The following MAP3K4 variants were observed in gnomAD, a reference collection of about 807,000 sequenced individuals.
MAP3K4 encodes mitogen-activated protein kinase kinase kinase 4.
A neutral mutation model predicts 185.6 loss-of-function variants in MAP3K4; 67 were observed. The observed-to-expected ratio is 0.36, with a 90% CI of 0.30 to 0.44. The LOEUF (loss-of-function observed/expected upper bound fraction) is 0.44, where lower values mean the gene tolerates loss of function less well. Among genes scored for constraint, MAP3K4 ranks in the 20% least tolerant of loss-of-function variants. The pLI, the probability that MAP3K4 is intolerant of heterozygous loss-of-function variation, is 1.00. For synonymous variants in MAP3K4, 702 were observed against 710.4 expected (o/e 0.99, Z 0.19); for missense variants, 1,551 against 1,995.1 (o/e 0.78, Z 4.24).
At position 161,093,416 on chromosome 6, in the gene MAP3K4, T is replaced by C. The variant is rs557535792; in HGVS notation, c.3349-357T>C. On this transcript the variant is annotated intron_variant, in intron 14 of 26. Transcript: ENST00000392142. This position sits in a 1 kb window ranked among gnomAD's most constrained non-coding sequence, Gnocchi z 5.2. The stretch of plus-strand genomic sequence containing the variant: ...AGAGCATCATGCTCGTGTTAAATAT[T>C]ATCACTGTTAGTCTGATAAGTGTCA... Among the ~76,000 whole-genome samples, 1 of 152,328 alleles carries C rather than the reference T, an allele frequency of 6.6e-6. No individual in the cohort carries two copies. The highest frequency in any genetic ancestry group is 1.9e-4 in the East Asian group (1 of 5,186).
chr6:161,049,731 C>A lies in MAP3K4; in HGVS notation c.1459C>A (p.Arg487=), dbSNP rs967543892. The change falls in exon 3 of 27, where the codon CGG becomes AGG. Residue 487 remains arginine, a synonymous_variant. Coordinates refer to ENST00000392142, the MANE Select transcript of MAP3K4 (RefSeq NM_005922.4). The surrounding 1 kb of genome is among the most constrained non-coding windows in gnomAD (Gnocchi z 8.4). ...AGATAACAGCTTCGACATCCAGTCGCGGGACTGCATATCCAAGAAGCTTGA... is the reference window on the plus strand; with the variant it reads ...AGATAACAGCTTCGACATCCAGTCGAGGGACTGCATATCCAAGAAGCTTGA... ...PIDNSFDIQS[R]DCISKKLERL... is the part of the protein sequence containing the mutation. 1 of 1,614,118 alleles carries A rather than the reference C, an allele frequency of 6.2e-7. No homozygotes were observed.
At chr6:161,003,010 A>G (rs1010514815) in intron 1 of MAP3K4, among the ~76,000 whole-genome samples, 2 of 148,660 alleles carry the variant, frequency 1.3e-5, no homozygotes, top group Non-Finnish European at 3.0e-5. Flanking sequence ...ATATCCCATA[A>G]TTTAATAGTT....
intron 1 of MAP3K4, among the ~76,000 whole-genome samples, chr6:160,998,723 A>G (rs1414506643): frequency 6.6e-6 from 1 of 152,240 alleles, no homozygotes; most frequent in Admixed American, 6.5e-5. Context: ...TTTAAAATCT[A>G]GAACTGTGTT....
chr6:160,995,094 A>G (rs1466843935), intron 1 of MAP3K4, among the ~76,000 whole-genome samples: 2 of 152,138 alleles, frequency 1.3e-5, no homozygotes, highest in East Asian at 1.9e-4. Context: ...CACCACATCC[A>G]TGCCATTGTC....
rs758230071 is a variant in MAP3K4, at chr6:161,070,664, ACCACCTTCAT to A, written c.1766_1775del (p.Pro589LeufsTer13). 1 of 1,614,094 alleles carries A rather than the reference ACCACCTTCAT, an allele frequency of 6.2e-7. No individual in the cohort carries two copies. The highest frequency in any genetic ancestry group is 8.5e-7 in the Non-Finnish European group (1 of 1,179,986). ...CAGATTATGTGCAGTTGTCAAGGAC[ACCACCTTCAT>A]CTGAGGAGAAATGCAGTGCTGTGTC... On this transcript the variant is annotated frameshift_variant, in exon 4 of 27. Coordinates refer to ENST00000392142, the MANE Select transcript of MAP3K4 (RefSeq NM_005922.4). LOFTEE classifies it high-confidence loss of function. The surrounding 1 kb of genome is among the most constrained non-coding windows in gnomAD (Gnocchi z 4.5).
chr6:161,095,600 G>A (rs1053771921), intron 15 of MAP3K4, among the ~76,000 whole-genome samples: 1 of 152,172 alleles, frequency 6.6e-6, no homozygotes, highest in African/African-American at 2.4e-5. Context: ...CATATATAGG[G>A]TGGTTCGTTT....
rs1433981920 is a variant in MAP3K4, at chr6:161,061,636, C to T, written c.1708-8972C>T. Among the ~76,000 whole-genome samples, 1 of 152,180 alleles carries T rather than the reference C, an allele frequency of 6.6e-6. No homozygotes were observed. Among genetic ancestry groups the T allele is most frequent in the African/African-American group, 2.4e-5 (1 of 41,444 alleles). On this transcript the variant is annotated intron_variant, in intron 3 of 26. Transcript: ENST00000392142. This position sits in a 1 kb window ranked among gnomAD's most constrained non-coding sequence, Gnocchi z 4.2. ...CCTCCACAATTCCTGTGCTCACTAG[C>T]CCTATCTCTAGGCAACCGCTAATCT...
In MAP3K4 at chr6:161,056,383, AT is replaced by A. The variant is rs1432466245; in HGVS notation, c.1707+6406del. ...GCTTTTAGGCCTTCTCAGTGATAGA[AT>A]TAGAACGTACAGGTATGTCTTCTAA... On this transcript the variant is annotated intron_variant, in intron 3 of 26. Transcript: ENST00000392142. The surrounding 1 kb of genome is among the most constrained non-coding windows in gnomAD (Gnocchi z 5.4). Among the ~76,000 whole-genome samples, 1 of 152,140 alleles carries A rather than the reference AT, an allele frequency of 6.6e-6. No individual in the cohort carries two copies. The highest frequency in any genetic ancestry group is 1.5e-5 in the Non-Finnish European group (1 of 68,010).
chr6:161,034,358 T>TC lies in MAP3K4; in HGVS notation c.258dup (p.Ser87GlnfsTer17). Reference sequence around the variant, plus strand: ...ATACAGAGAATCTTTATGGTACCTCTCCCCCCAGCACACCTCGACAGATGA... The same window carrying TC: ...ATACAGAGAATCTTTATGGTACCTCTCCCCCCCAGCACACCTCGACAGATGA... On this transcript the variant is annotated frameshift_variant, in exon 2 of 27. Transcript: ENST00000392142. LOFTEE classifies it high-confidence loss of function. This position sits in a 1 kb window ranked among gnomAD's most constrained non-coding sequence, Gnocchi z 4.4. 6.2e-7 allele frequency: 1 copy of TC among 1,613,332 alleles called. No individual in the cohort carries two copies. The highest frequency in any genetic ancestry group is 8.5e-7 in the Non-Finnish European group (1 of 1,179,718).
intron 2 of MAP3K4, among the ~76,000 whole-genome samples, chr6:161,045,363 G>C (rs1388917712): frequency 6.6e-6 from 1 of 152,078 alleles, no homozygotes; most frequent in African/African-American, 2.4e-5. Context: ...GTAATAGACT[G>C]TTTTGTATGC....
rs372529350 is a variant in MAP3K4 at position 161,081,049 on chromosome 6, T to G, written c.2255+11T>G. On this transcript the variant is annotated intron_variant, in intron 6 of 26. Transcript: ENST00000392142. ...CGGGAAGCTTTTCTGGTAGGAATCC[T>G]TGTGCTTCTGAACGCGACGCTCCCA... The G allele has an allele frequency of 3.5e-5, 57 of 1,613,162 alleles. No homozygotes were observed. The African/African-American group carries it at 6.1e-4, about 17-fold the overall frequency.
intron 2 of MAP3K4, among the ~76,000 whole-genome samples, chr6:161,042,942 A>G (rs1325942408): frequency 2.2e-5 from 3 of 139,256 alleles, no homozygotes; most frequent in Non-Finnish European, 4.7e-5. Flanking sequence ...ACACACACAC[A>G]TCCCTGTTAG....
Position 161,103,673 on chromosome 6 carries a change from C to T in MAP3K4, c.3856+894C>T, listed in dbSNP as rs930030821. ...TTTGCCCAGAGGTGGTGGGCAGCCC[C>T]AGAGGCTCTTGAGCAGCTGGTGTGT... On this transcript the variant is annotated intron_variant, in intron 19 of 26. Coordinates refer to ENST00000392142, the MANE Select transcript of MAP3K4 (RefSeq NM_005922.4). The surrounding 1 kb of genome is among the most constrained non-coding windows in gnomAD (Gnocchi z 4.6). 5.9e-5 allele frequency among the ~76,000 whole-genome samples: 9 copies of T among 152,206 alleles called. No homozygotes were observed. The highest frequency in any genetic ancestry group is 2.0e-4 in the Admixed American group (3 of 15,274).
In MAP3K4 at chr6:161,096,964, T is replaced by G; in HGVS notation, c.3428-116T>G. 3 of 715,762 alleles carry G rather than the reference T, an allele frequency of 4.2e-6. No individual in the cohort carries two copies. In the South Asian group the frequency reaches 5.6e-5, roughly 13 times the overall value. The allele number at this position is 715,762 out of a possible 1,614,324, so 44.3% of individuals were successfully genotyped here. A position where few individuals can be genotyped will look rare whatever the true frequency, so the allele number is the denominator to read the frequency against. On this transcript the variant is annotated intron_variant, in intron 15 of 26. Transcript: ENST00000392142. This position sits in a 1 kb window ranked among gnomAD's most constrained non-coding sequence, Gnocchi z 4.9. ...TTATTTTTTACTTATATAAATGGAC[T>G]TACCTTGGTCATTGGCCAGAATAAG...
rs1777643560 is a variant in MAP3K4, at chr6:161,097,915, C to T, written c.3525-363C>T. Among the ~76,000 whole-genome samples the T allele has an allele frequency of 6.6e-6, 1 of 151,602 alleles. No individual in the cohort carries two copies. The highest frequency in any genetic ancestry group is 2.4e-5 in the African/African-American group (1 of 41,240). On this transcript the variant is annotated intron_variant, in intron 16 of 26. Coordinates refer to ENST00000392142, the MANE Select transcript of MAP3K4 (RefSeq NM_005922.4). The surrounding 1 kb of genome is among the most constrained non-coding windows in gnomAD (Gnocchi z 4.9). Reference sequence around the variant, plus strand: ...TGGGCAACGTAGCAAAACATCATCTCTACAAAAAATACAACAAAGATAATA... The same window carrying T: ...TGGGCAACGTAGCAAAACATCATCTTTACAAAAAATACAACAAAGATAATA...
In MAP3K4 at chr6:161,034,374, C is replaced by T. The variant is rs370191115; in HGVS notation, c.268C>T (p.Arg90Ter). Residue 90 changes from arginine (R) to a stop codon, truncating the protein, a stop_gained, in exon 2 of 27, where the codon CGA becomes TGA. Coordinates refer to ENST00000392142, the MANE Select transcript of MAP3K4 (RefSeq NM_005922.4). LOFTEE classifies it high-confidence loss of function. This position sits in a 1 kb window ranked among gnomAD's most constrained non-coding sequence, Gnocchi z 4.4. ...TGGTACCTCTCCCCCCAGCACACCTCGACAGATGAAACGCATGTCAACCAA... is the reference window on the plus strand; with the variant it reads ...TGGTACCTCTCCCCCCAGCACACCTTGACAGATGAAACGCATGTCAACCAA... ...LYGTSPPSTP[R>*]QMKRMSTKHQ... 22 of 1,613,786 alleles carry T rather than the reference C, an allele frequency of 1.4e-5. No homozygotes were observed. Among genetic ancestry groups the T allele is most frequent in the Non-Finnish European group, 1.8e-5 (21 of 1,179,882 alleles).
intron 2 of MAP3K4, among the ~76,000 whole-genome samples, chr6:161,038,479 ATTTC>A (rs1353850958): frequency 6.6e-6 from 1 of 152,204 alleles, no homozygotes; most frequent in African/African-American, 2.4e-5. Context: ...CTGTTACATT[ATTTC>A]TTTCTCACTG....
chr6:161,048,796 CA>C lies in MAP3K4; in HGVS notation c.531del (p.Lys177AsnfsTer30). The C allele has an allele frequency of 6.2e-7, 1 of 1,613,948 alleles. No homozygotes were observed. Among genetic ancestry groups the C allele is most frequent in the Non-Finnish European group, 8.5e-7 (1 of 1,179,980 alleles). On this transcript the variant is annotated frameshift_variant, in exon 3 of 27. Coordinates refer to ENST00000392142, the MANE Select transcript of MAP3K4 (RefSeq NM_005922.4). LOFTEE classifies it high-confidence loss of function. The surrounding 1 kb of genome is among the most constrained non-coding windows in gnomAD (Gnocchi z 4.7). ...FMLDSVGGSL[P>X]KKSIPDVDLN... ...TTAGACTCAGTGGGTGGATCTTTGC[CA>C]AAAAAATCAATTCCAGATGTGGATC...
chr6:161,084,672 C>A lies in MAP3K4; in HGVS notation c.2372+55C>A. The A allele has an allele frequency of 9.6e-7, 1 of 1,044,642 alleles. No homozygotes were observed. Among genetic ancestry groups the A allele is most frequent in the Non-Finnish European group, 1.5e-6 (1 of 665,880 alleles). 64.7% of individuals were successfully genotyped at this position (1,044,642 alleles called of 1,614,324 possible). ...CTTCTTATCTCGTAGTTTCCTTCCTCATGGTGAGATCCTAGAAGGAGCCTT... is the reference window on the plus strand; with the variant it reads ...CTTCTTATCTCGTAGTTTCCTTCCTAATGGTGAGATCCTAGAAGGAGCCTT... On this transcript the variant is annotated intron_variant, in intron 7 of 26. Transcript: ENST00000392142. This position sits in a 1 kb window ranked among gnomAD's most constrained non-coding sequence, Gnocchi z 4.6.
Sources: gnomAD v4.1 joint callset for allele counts (sites outside exome capture counted in the v4.1 genomes callset) on GRCh38, gnomAD v4.1.1 for gene constraint, Gnocchi (gnomAD v3.1) non-coding constraint, MANE v1.5 for transcripts, NCBI Gene and HGNC (gene_info 2026-07-23, HGNC 2026-07-21) for gene names.